The following ELOVL1 variants were observed in gnomAD, a reference collection of about 807,000 sequenced individuals.
ELOVL1 encodes the protein very long chain fatty acid elongase 1.
Under a neutral mutation model 37.8 loss-of-function variants are expected in ELOVL1, and 10 were observed. The observed-to-expected ratio is 0.26, with a 90% confidence interval of 0.16 to 0.45. The LOEUF is 0.45. Among genes scored for constraint, ELOVL1 ranks in the 20% least tolerant of loss-of-function variants. The pLI is 1.00. For synonymous variants in ELOVL1, 133 were observed against 123.8 expected, an observed-to-expected ratio of 1.07 and a Z score of -0.49; for missense variants, 256 against 352.7, an observed-to-expected ratio of 0.73 and a Z score of 2.20.
At position 43,364,682 on chromosome 1, in the gene ELOVL1, T is replaced by C. The variant is rs1422348764; in HGVS notation, c.376-35A>G. On this transcript the variant is annotated intron_variant, in intron 5 of 7. Coordinates refer to ENST00000372458, the MANE Select transcript of ELOVL1 (RefSeq NM_022821.4). This position sits in a 1 kb window ranked among gnomAD's most constrained non-coding sequence, Gnocchi z 5.2. The stretch of plus-strand genomic sequence containing the variant: ...GAGTGAGGGAAGGGGATTCAGAACC[T>C]GGGCTTCTCCACCTCATTCTCCCCT... 1.2e-6 allele frequency: 2 copies of C among 1,614,152 alleles called. No individual in the cohort carries two copies. The highest frequency in any genetic ancestry group is 1.7e-5 in the Admixed American group (1 of 60,020).
At position 43,365,633 on chromosome 1, in the gene ELOVL1, TAC is replaced by T; in HGVS notation, c.-14-12_-14-11del. 6.2e-7 allele frequency: 1 copy of T among 1,613,474 alleles called. No individual in the cohort carries two copies. The highest frequency in any genetic ancestry group is 8.5e-7 in the Non-Finnish European group (1 of 1,179,850). On this transcript the variant is annotated splice_polypyrimidine_tract_variant and intron_variant, in intron 1 of 7. Transcript: ENST00000372458. The stretch of plus-strand genomic sequence containing the variant: ...ATCCTGGCTAAGGACTCTGGGGAGG[TAC>T]AGAGGGCGGATGTCAGACAGATCCC...
At chr1:43,367,886 T>C (rs1219649076) in intron 1 of ELOVL1, 29 bp downstream of exon 1, 2 of 153,730 alleles carry the variant, frequency 1.3e-5, no homozygotes, top group East Asian at 3.9e-4. Context: ...CGCCGGCACG[T>C]GGAGAGTCCG....
At position 43,363,728 on chromosome 1, in the gene ELOVL1, G is replaced by T; in HGVS notation, c.*188C>A. On this transcript the variant is annotated 3_prime_UTR_variant, in exon 8 of 8. Coordinates refer to ENST00000372458, the MANE Select transcript of ELOVL1 (RefSeq NM_022821.4). ...AGGCCACATCCCTGGAGCTGCCCGG[G>T]GGAAGTGGGTGAGGAACCAAAGCCG... is the stretch of plus-strand genomic sequence containing the variant. 1.7e-6 allele frequency: 1 copy of T among 605,382 alleles called. No homozygotes were observed. Among genetic ancestry groups the T allele is most frequent in the Non-Finnish European group, 2.9e-6 (1 of 343,364 alleles). The allele number at this position is 605,382 out of a possible 1,614,324, so 37.5% of individuals were successfully genotyped here. A position where few individuals can be genotyped will look rare whatever the true frequency, so the allele number is the denominator to read the frequency against.
At chr1:43,365,056 A>G (rs765314835) in intron 3 of ELOVL1, 48 bp from the exon 4 acceptor site, 1 of 1,596,578 alleles carries the variant, frequency 6.3e-7, no homozygotes, top group South Asian at 1.1e-5. Context: ...CTTCCCAGCC[A>G]TCCCTCCCCT....
At chr1:43,366,807 G>A (rs571414063) in intron 1 of ELOVL1, among the ~76,000 whole-genome samples, 2 of 152,162 alleles carry the variant, frequency 1.3e-5, no homozygotes, top group South Asian at 4.1e-4. Context: ...GCCCCGTTGG[G>A]CTAGGCCCCC....
Position 43,364,979 on chromosome 1 carries a change from A to T in ELOVL1, c.267T>A (p.Tyr89Ter). The change falls in exon 4 of 8, where the codon TAT (tyrosine) becomes TAA (stop). Residue 89 changes from tyrosine to a stop codon, truncating the protein, a stop_gained. Coordinates refer to ENST00000372458, the MANE Select transcript of ELOVL1 (RefSeq NM_022821.4). LOFTEE classifies it high-confidence loss of function. This position sits in a 1 kb window ranked among gnomAD's most constrained non-coding sequence, Gnocchi z 5.2. Reference protein sequence around the residue: ...EFLMSGWLSTYTWRCDPVDYS... With the variant: ...EFLMSGWLST ...AGTCCACAGGGTCACAGCGCCAGGT[A>T]TAGGTGCTCAGCCAGCCCGACATCA... 6.2e-7 allele frequency: 1 copy of T among 1,613,924 alleles called. No homozygotes were observed. The highest frequency in any genetic ancestry group is 8.5e-7 in the Non-Finnish European group (1 of 1,179,934).
In ELOVL1 at chr1:43,364,198, G is replaced by A; in HGVS notation, c.619-61C>T. Reference sequence around the variant, plus strand: ...TGAGAGGACTAGAGGGGAAGAGGGGGTAGAGAAAGAGACAAACGTTGAGTA... The same window carrying A: ...TGAGAGGACTAGAGGGGAAGAGGGGATAGAGAAAGAGACAAACGTTGAGTA... On this transcript the variant is annotated intron_variant, in intron 7 of 7. Coordinates refer to ENST00000372458, the MANE Select transcript of ELOVL1 (RefSeq NM_022821.4). The surrounding 1 kb of genome is among the most constrained non-coding windows in gnomAD (Gnocchi z 5.2). The A allele has an allele frequency of 1.2e-6, 2 of 1,609,510 alleles. No individual in the cohort carries two copies. The highest frequency in any genetic ancestry group is 1.3e-5 in the African/African-American group (1 of 74,846).
intron 1 of ELOVL1, chr1:43,366,570 C>T (rs1194895122): frequency 6.5e-6 from 1 of 153,440 alleles, no homozygotes; most frequent in Non-Finnish European, 1.5e-5. Flanking sequence ...GATTCTGAGC[C>T]AGAAACCTCC....
Position 43,363,665 on chromosome 1 carries a change from C to A in ELOVL1, c.*251G>T. On this transcript the variant is annotated 3_prime_UTR_variant, in exon 8 of 8. Transcript: ENST00000372458. ...AGGGAGGGGGAAATAACTGTACAGC[C>A]CTTTTAGCCCCCAGCTCTGGAGTGG... 1.9e-6 allele frequency: 1 copy of A among 537,876 alleles called. No homozygotes were observed. Among genetic ancestry groups the A allele is most frequent in the Non-Finnish European group, 3.3e-6 (1 of 298,992 alleles). 33.3% of individuals were successfully genotyped at this position (537,876 alleles called of 1,614,324 possible).
rs1647194204 is a variant in ELOVL1, at chr1:43,364,194, G to A, written c.619-57C>T. 6.2e-7 allele frequency: 1 copy of A among 1,610,154 alleles called. No homozygotes were observed. The highest frequency in any genetic ancestry group is 1.7e-5 in the Admixed American group (1 of 59,926). ...ATAGTGAGAGGACTAGAGGGGAAGAGGGGGTAGAGAAAGAGACAAACGTTG... is the reference window on the plus strand; with the variant it reads ...ATAGTGAGAGGACTAGAGGGGAAGAAGGGGTAGAGAAAGAGACAAACGTTG... On this transcript the variant is annotated intron_variant, in intron 7 of 7. Coordinates refer to ENST00000372458, the MANE Select transcript of ELOVL1 (RefSeq NM_022821.4). The surrounding 1 kb of genome is among the most constrained non-coding windows in gnomAD (Gnocchi z 5.2).
Position 43,364,953 on chromosome 1 carries a change from T to G in ELOVL1, c.293A>C (p.Tyr98Ser). 1 of 1,614,024 alleles carries G rather than the reference T, an allele frequency of 6.2e-7. No homozygotes were observed. Reference sequence around the variant, plus strand: ...CCTAAGTGCCTCAGGGCTGTTGGAATAGTCCACAGGGTCACAGCGCCAGGT... The same window carrying G: ...CCTAAGTGCCTCAGGGCTGTTGGAAGAGTCCACAGGGTCACAGCGCCAGGT... ...TYTWRCDPVDYSNSPEALRMV... is the reference protein window; with the variant it reads ...TYTWRCDPVDSSNSPEALRMV... Residue 98 changes from tyrosine to serine, a missense_variant, in exon 4 of 8, where the codon TAT (tyrosine) becomes TCT (serine). By Grantham distance (144) the Tyr-to-Ser change is moderately radical (BLOSUM62 -2). Coordinates refer to ENST00000372458, the MANE Select transcript of ELOVL1 (RefSeq NM_022821.4). The surrounding 1 kb of genome is among the most constrained non-coding windows in gnomAD (Gnocchi z 5.2).
Position 43,364,618 on chromosome 1 carries a change from C to G in ELOVL1, c.405G>C (p.Gly135=). The G allele has an allele frequency of 6.2e-7, 1 of 1,614,138 alleles. No individual in the cohort carries two copies. The highest frequency in any genetic ancestry group is 8.5e-7 in the Non-Finnish European group (1 of 1,180,016). Reference sequence around the variant, plus strand: ...GGAAGACATGTAGGAAGGTCACCTGCCCGTCTTTCTTTCGGAGAATAAAGA... The same window carrying G: ...GGAAGACATGTAGGAAGGTCACCTGGCCGTCTTTCTTTCGGAGAATAAAGA... The part of the protein sequence containing the change: ...TVIFILRKKD[G]QVTFLHVFHH... The change falls in exon 6 of 8, where the codon GGG becomes GGC. Residue 135 remains glycine, a synonymous_variant. Transcript: ENST00000372458. The surrounding 1 kb of genome is among the most constrained non-coding windows in gnomAD (Gnocchi z 5.2).
At position 43,363,885 on chromosome 1, in the gene ELOVL1, C is replaced by T. The variant is rs767436294; in HGVS notation, c.*31G>A. On this transcript the variant is annotated 3_prime_UTR_variant, in exon 8 of 8. Transcript: ENST00000372458. ...TGCCCTAAGGTGCAGTCCTGAGGCACTTAGGTGGGCGCCTATCTAGGCCAT... is the reference window on the plus strand; with the variant it reads ...TGCCCTAAGGTGCAGTCCTGAGGCATTTAGGTGGGCGCCTATCTAGGCCAT... 1.2e-6 allele frequency: 2 copies of T among 1,606,868 alleles called. No homozygotes were observed. The highest frequency in any genetic ancestry group is 2.2e-5 in the South Asian group (2 of 90,770).
Position 43,363,657 on chromosome 1 carries a change from T to A in ELOVL1, c.*259A>T. 1 of 516,538 alleles carries A rather than the reference T, an allele frequency of 1.9e-6. No individual in the cohort carries two copies. Among genetic ancestry groups the A allele is most frequent in the East Asian group, 3.4e-5 (1 of 29,592 alleles). 32.0% of individuals were successfully genotyped at this position (516,538 alleles called of 1,614,324 possible). On this transcript the variant is annotated 3_prime_UTR_variant, in exon 8 of 8. Transcript: ENST00000372458. ...TTTAAGGCAGGGAGGGGGAAATAAC[T>A]GTACAGCCCTTTTAGCCCCCAGCTC...
rs561601248 is a variant in ELOVL1, at chr1:43,363,656, CTG to C, written c.*258_*259del. 3.0e-4 allele frequency: 156 copies of C among 514,938 alleles called. No homozygotes were observed. The highest frequency in any genetic ancestry group is 2.7e-3 in the African/African-American group (144 of 52,388). 31.9% of individuals were successfully genotyped at this position (514,938 alleles called of 1,614,324 possible). On this transcript the variant is annotated 3_prime_UTR_variant, in exon 8 of 8. Transcript: ENST00000372458. ...TTTTAAGGCAGGGAGGGGGAAATAA[CTG>C]TACAGCCCTTTTAGCCCCCAGCTCT...
In ELOVL1 at chr1:43,364,907, C is replaced by A; in HGVS notation, c.318+21G>T. On this transcript the variant is annotated intron_variant, in intron 4 of 7. Coordinates refer to ENST00000372458, the MANE Select transcript of ELOVL1 (RefSeq NM_022821.4). This position sits in a 1 kb window ranked among gnomAD's most constrained non-coding sequence, Gnocchi z 5.2. ...TCATATCTACCAGGTTGCTTATGACCTAGCCCCAGCCCCTACTTACCCTAA... is the reference window on the plus strand; with the variant it reads ...TCATATCTACCAGGTTGCTTATGACATAGCCCCAGCCCCTACTTACCCTAA... The A allele has an allele frequency of 1.2e-6, 2 of 1,613,962 alleles. No individual in the cohort carries two copies. The highest frequency in any genetic ancestry group is 1.1e-5 in the South Asian group (1 of 91,032).
rs772569715 is a variant in ELOVL1 at position 43,365,209 on chromosome 1, G to A, written c.214C>T (p.Leu72Phe). 4 of 1,614,182 alleles carry A rather than the reference G, an allele frequency of 2.5e-6. No individual in the cohort carries two copies. The highest frequency in any genetic ancestry group is 2.2e-5 in the East Asian group (1 of 44,886). Residue 72 changes from leucine to phenylalanine, a missense_variant, in exon 3 of 8, where the codon CTC (leucine) becomes TTC (phenylalanine). Around this residue, in one of 3 missense-constraint regions of ELOVL1, gnomAD observed 158 missense variants for 189.4 expected, o/e 0.83. Coordinates refer to ENST00000372458, the MANE Select transcript of ELOVL1 (RefSeq NM_022821.4). ...ACCTCATAGACAATGTAGAGGGAGA[G>A]TGCCACCAGTGAGAAGTTGTAGACA... Reference protein sequence around the residue: ...MIVYNFSLVALSLYIVYEFLM... With the variant: ...MIVYNFSLVAFSLYIVYEFLM...
intron 1 of ELOVL1, chr1:43,367,531 A>G (rs1230911170): frequency 6.6e-6 from 1 of 152,320 alleles, no homozygotes; most frequent in Non-Finnish European, 1.5e-5. Flanking sequence ...ACCTCTCCCC[A>G]AGCTGCAGGA....
At position 43,364,235 on chromosome 1, in the gene ELOVL1, G is replaced by A; in HGVS notation, c.618+89C>T. On this transcript the variant is annotated intron_variant, in intron 7 of 7. Coordinates refer to ENST00000372458, the MANE Select transcript of ELOVL1 (RefSeq NM_022821.4). The surrounding 1 kb of genome is among the most constrained non-coding windows in gnomAD (Gnocchi z 5.2). Reference sequence around the variant, plus strand: ...ACAAACGTTGAGTAGGGAGAGATGGGGTCAAAGGTGAGACAGACTGGATAA... The same window carrying A: ...ACAAACGTTGAGTAGGGAGAGATGGAGTCAAAGGTGAGACAGACTGGATAA... 6.8e-6 allele frequency: 11 copies of A among 1,610,344 alleles called. No individual in the cohort carries two copies. Among genetic ancestry groups the A allele is most frequent in the Non-Finnish European group, 8.5e-6 (10 of 1,177,680 alleles).
Sources: allele counts gnomAD v4.1 joint callset (sites outside exome capture counted in the v4.1 genomes callset), GRCh38; gene constraint gnomAD v4.1.1; regional missense constraint gnomAD v4.1.1; non-coding constraint Gnocchi (gnomAD v3.1); transcripts MANE v1.5; gene names NCBI Gene and HGNC (gene_info 2026-07-23, HGNC 2026-07-21).